Variants in FCHO2 observed in about 807,000 individuals in gnomAD.
FCHO2 encodes FCH and mu domain containing endocytic adaptor 2.
A neutral mutation model predicts 114.1 loss-of-function variants in FCHO2; 43 were observed. That is an observed-to-expected ratio of 0.38 (90% CI 0.30 to 0.49). FCHO2 has a LOEUF of 0.49. Ranked by LOEUF, FCHO2 falls within the 20% of genes least tolerant of loss-of-function variation. The probability of loss-of-function intolerance (pLI) is 0.97; values close to 1 mark genes in which losing one functional copy is unlikely to be tolerated. For missense variants in FCHO2, 807 were observed against 950.4 expected (o/e 0.85, Z 1.98); for synonymous variants, 293 against 315.2 (o/e 0.93, Z 0.75).
At chr5:73,075,485 G>A (rs951242180) in intron 20 of FCHO2, among the ~76,000 whole-genome samples, 3 of 152,138 alleles carry the variant, frequency 2.0e-5, no homozygotes, top group East Asian at 1.9e-4. Flanking sequence ...AGATGAGTCC[G>A]GAGAGGTATG....
At chr5:72,993,744 G>A (rs977331198) in intron 5 of FCHO2, among the ~76,000 whole-genome samples, 2 of 152,158 alleles carry the variant, frequency 1.3e-5, no homozygotes, top group Non-Finnish European at 2.9e-5. Context: ...GACCATTTGA[G>A]GAAGTAATGG....
chr5:73,040,175 A>C (rs1756739106), intron 10 of FCHO2, among the ~76,000 whole-genome samples: 1 of 152,138 alleles, frequency 6.6e-6, no homozygotes. Context: ...ATTTTGACAC[A>C]CATTGCGTAT....
intron 2 of FCHO2, among the ~76,000 whole-genome samples, chr5:72,978,598 A>G (rs913298787): frequency 3.3e-5 from 5 of 151,950 alleles, no homozygotes; most frequent in African/African-American, 1.2e-4. Flanking sequence ...AATACCCTTT[A>G]TTTTTTTCTC....
intron 2 of FCHO2, among the ~76,000 whole-genome samples, chr5:72,985,415 G>T (rs1431800540): frequency 2.6e-5 from 4 of 152,036 alleles, no homozygotes; most frequent in Non-Finnish European, 4.4e-5. Context: ...ACCCACCTCG[G>T]CCTCCCAAAG....
chr5:73,017,182 GA>G (rs1755348308), intron 7 of FCHO2, 29 bp from the exon 8 acceptor site: 1 of 1,312,918 alleles, frequency 7.6e-7, no homozygotes, highest in African/African-American at 1.5e-5. Context: ...TGTGGAAAAA[GA>G]AAAAGTTATC....
In FCHO2 at chr5:73,088,261, G is replaced by A. The variant is rs920410273; in HGVS notation, c.*171G>A. ...TTAAAGTGAGTCATTGAAATAAATA[G>A]TACTGAAATGATTCTCTATGTTGTA... On this transcript the variant is annotated 3_prime_UTR_variant, in exon 26 of 26. Transcript: ENST00000430046. 1.4e-6 allele frequency: 1 copy of A among 713,292 alleles called. No individual in the cohort carries two copies. Among genetic ancestry groups the A allele is most frequent in the African/African-American group, 1.8e-5 (1 of 56,292 alleles). 44.2% of individuals were successfully genotyped at this position (713,292 alleles called of 1,614,324 possible).
At chr5:73,001,468 A>G (rs951662024) in intron 5 of FCHO2, among the ~76,000 whole-genome samples, 6 of 151,298 alleles carry the variant, frequency 4.0e-5, no homozygotes, top group African/African-American at 1.5e-4. Flanking sequence ...AAAAAAAAAA[A>G]AAAGAAATGA....
At chr5:73,013,949 G>A (rs1277663896) in intron 6 of FCHO2, among the ~76,000 whole-genome samples, 1 of 152,132 alleles carries the variant, frequency 6.6e-6, no homozygotes. Flanking sequence ...CTCCCAAAGT[G>A]CTGGAATTAC....
intron 19 of FCHO2, among the ~76,000 whole-genome samples, chr5:73,068,991 G>A (rs1742501196): frequency 6.6e-6 from 1 of 152,020 alleles, no homozygotes; most frequent in South Asian, 2.1e-4. Flanking sequence ...ACTGTGGTTA[G>A]CACCGTTAAG....
chr5:72,972,708 A>G (rs1229565381), intron 2 of FCHO2, among the ~76,000 whole-genome samples: 4 of 152,050 alleles, frequency 2.6e-5, no homozygotes, highest in Admixed American at 2.0e-4. Flanking sequence ...TCTCCTGCCT[A>G]ATTGCCCTGG....
At chr5:72,965,396 AT>A (rs1432259212) in intron 1 of FCHO2, among the ~76,000 whole-genome samples, 3 of 152,222 alleles carry the variant, frequency 2.0e-5, no homozygotes, top group Non-Finnish European at 2.9e-5. Context: ...AAAATACTTT[AT>A]TGCTAATGCT....
Position 73,078,648 on chromosome 5 carries a change from A to G in FCHO2, c.1980+336A>G, listed in dbSNP as rs115050261. Among the ~76,000 whole-genome samples, 1,100 of 152,356 alleles carry G rather than the reference A, an allele frequency of 7.2e-3. 17 individuals are homozygous for G. Among genetic ancestry groups the G allele is most frequent in the African/African-American group, 0.025 (1,051 of 41,592 alleles). On this transcript the variant is annotated intron_variant, in intron 22 of 25. Transcript: ENST00000430046. ...GCCCATTAGTAGATCCTGTTAGTAT[A>G]TAAGAGTTTTCTGGATGTGTTAGCC...
At chr5:72,959,763 CTCTCT>C (rs1266655894) in intron 1 of FCHO2, among the ~76,000 whole-genome samples, 6 of 151,650 alleles carry the variant, frequency 4.0e-5, no homozygotes, top group African/African-American at 1.5e-4. Flanking sequence ...CTTCTCTTCT[CTCTCT>C]TCTCTTCTTT....
At chr5:73,061,257 T>G (rs1757840810) in intron 17 of FCHO2, among the ~76,000 whole-genome samples, 1 of 152,030 alleles carries the variant, frequency 6.6e-6, no homozygotes, top group African/African-American at 2.4e-5. Flanking sequence ...AACTCTGACT[T>G]TGTATAATTT....
At chr5:73,070,398 A>AT (rs148067775) in intron 19 of FCHO2, among the ~76,000 whole-genome samples, 21,691 of 151,988 alleles carry the variant, frequency 0.14, 1,766 homozygotes, top group East Asian at 0.35. Flanking sequence ...TATAAACTGA[A>AT]TATGTCTAAT....
chr5:73,011,802 G>A (rs149534388), intron 6 of FCHO2, among the ~76,000 whole-genome samples: 8 of 152,092 alleles, frequency 5.3e-5, no homozygotes, highest in East Asian at 1.9e-4. Flanking sequence ...TCCTAGCTGC[G>A]TGGGAGGCTC....
At chr5:73,077,727 G>A (rs908525235) in intron 21 of FCHO2, among the ~76,000 whole-genome samples, 10 of 152,118 alleles carry the variant, frequency 6.6e-5, no homozygotes, top group African/African-American at 2.4e-4. Context: ...GTGCGTTCCT[G>A]TAGTCCCAGC....
At chr5:72,960,810 A>G (rs1172439728) in intron 1 of FCHO2, among the ~76,000 whole-genome samples, 1 of 152,176 alleles carries the variant, frequency 6.6e-6, no homozygotes, top group Non-Finnish European at 1.5e-5. Context: ...ATAGCTTATA[A>G]TCTTCATTTT....
At chr5:73,080,175 A>G (rs1338201178) in intron 22 of FCHO2, among the ~76,000 whole-genome samples, 1 of 152,218 alleles carries the variant, frequency 6.6e-6, no homozygotes, top group African/African-American at 2.4e-5. Context: ...CTCAATAGAC[A>G]AATAACCTAT....
Sources: allele counts gnomAD v4.1 joint callset (sites outside exome capture counted in the v4.1 genomes callset), GRCh38; gene constraint gnomAD v4.1.1; transcripts MANE v1.5; gene names NCBI Gene and HGNC (gene_info 2026-07-23, HGNC 2026-07-21).